P2RY8: variants seen among roughly 807,000 people sequenced by gnomAD.
P2RY8 encodes the protein S-geranylgeranyl-glutathione receptor P2RY8.
Under a neutral mutation model 10.0 loss-of-function variants are expected in P2RY8, and 6 were observed. The observed-to-expected ratio is 0.60, with a 90% confidence interval of 0.33 to 1.19. The LOEUF (loss-of-function observed/expected upper bound fraction) is 1.19. P2RY8 is among the 50% of genes most tolerant of loss of function. The probability of loss-of-function intolerance (pLI) is 0.04; values close to 1 mark genes in which losing one functional copy is unlikely to be tolerated. For missense variants in P2RY8, 456 were observed against 542.0 expected (o/e 0.84, Z 1.58); for synonymous variants, 276 against 252.5 (o/e 1.09, Z -0.88).
At chrX:1,521,519 G>A (rs1344082176) in intron 1 of P2RY8, among the ~76,000 whole-genome samples, 8 of 152,074 alleles carry the variant, frequency 5.3e-5, no homozygotes, top group Admixed American at 2.6e-4. Flanking sequence ...CATGGAACAC[G>A]GCTTGCAACC....
At position 1,534,143 on chromosome X, in the gene P2RY8, CAT is replaced by C. The variant is rs1491494129; in HGVS notation, c.-25+2776_-25+2777del. ...TATATTATATATTTATATATATTTA[CAT>C]ATATATTTATATACAATATATTTAC... On this transcript the variant is annotated intron_variant, in intron 1 of 1. Transcript: ENST00000381297. 1.6e-4 allele frequency among the ~76,000 whole-genome samples: 21 copies of C among 128,782 alleles called. 1 individual carries two copies. The highest frequency in any genetic ancestry group is 2.7e-4 in the Non-Finnish European group (17 of 63,906). The allele number at this position is 128,782 out of a possible 152,430, so 84.5% of individuals were successfully genotyped here.
At chrX:1,517,410 C>T (rs1432617018) in intron 1 of P2RY8, among the ~76,000 whole-genome samples, 7 of 152,118 alleles carry the variant, frequency 4.6e-5, no homozygotes, top group African/African-American at 1.7e-4. Context: ...CAGCTTGGGC[C>T]CCCGCCCCAT....
intron 1 of P2RY8, among the ~76,000 whole-genome samples, chrX:1,469,566 C>T (rs1244354491): frequency 4.6e-5 from 7 of 152,074 alleles, no homozygotes; most frequent in Non-Finnish European, 8.8e-5. Flanking sequence ...CTGTGTGTAT[C>T]TCCTCCAGCC....
chrX:1,482,129 C>T (rs1237492004), intron 1 of P2RY8, among the ~76,000 whole-genome samples: 1 of 151,390 alleles, frequency 6.6e-6, no homozygotes, highest in East Asian at 1.9e-4. Context: ...ATAAGAAGCC[C>T]CTTTTTGAAA....
Position 1,465,478 on chromosome X carries a change from C to T in P2RY8, c.*1G>A, listed in dbSNP as rs2091653125. 1 of 1,600,126 alleles carries T rather than the reference C, an allele frequency of 6.2e-7. No individual in the cohort carries two copies. ...GGCTCTCCAAGCTGCGCCCCCGGGA[C>T]TCAGAACACACTCTCCTGCCTCTGG... On this transcript the variant is annotated 3_prime_UTR_variant, in exon 2 of 2. Coordinates refer to ENST00000381297, the MANE Select transcript of P2RY8 (RefSeq NM_178129.5).
rs1556688238 is a variant in P2RY8, at chrX:1,535,708, C to CACACACACAG, written c.-25+1212_-25+1213insCTGTGTGTGT. Among the ~76,000 whole-genome samples the CACACACACAG allele has an allele frequency of 1.2e-3, 175 of 146,248 alleles. 1 individual carries two copies. The highest frequency in any genetic ancestry group is 1.4e-3 in the Non-Finnish European group (93 of 65,918). ...GAAGAAACAACCACACACACACACA[C>CACACACACAG]ACACACAGACACACACACAGACACA... is the stretch of plus-strand genomic sequence containing the variant. On this transcript the variant is annotated intron_variant, in intron 1 of 1. Transcript: ENST00000381297.
chrX:1,509,915 C>T (rs1310859211), intron 1 of P2RY8, among the ~76,000 whole-genome samples: 1 of 151,386 alleles, frequency 6.6e-6, no homozygotes, highest in East Asian at 2.0e-4. Flanking sequence ...TCTATCTTCT[C>T]TATCATCTAT....
intron 1 of P2RY8, among the ~76,000 whole-genome samples, chrX:1,479,626 G>A (rs2091913201): frequency 6.6e-6 from 1 of 152,148 alleles, no homozygotes; most frequent in Non-Finnish European, 1.5e-5. Flanking sequence ...CAGTGGATTT[G>A]AAAATAGGAA....
intron 1 of P2RY8, among the ~76,000 whole-genome samples, chrX:1,470,357 C>CA (rs1195352051): frequency 2.8e-4 from 42 of 151,822 alleles, no homozygotes; most frequent in African/African-American, 3.1e-4. Flanking sequence ...ACTAAAAATA[C>CA]AAAAAAAATT....
chrX:1,484,735 A>AAAAAG (rs2091970914), intron 1 of P2RY8, among the ~76,000 whole-genome samples: 1 of 138,600 alleles, frequency 7.2e-6, no homozygotes, highest in Non-Finnish European at 1.6e-5. Context: ...AAAAAAAAAA[A>AAAAAG]AAAAAAAAAA....
intron 1 of P2RY8, among the ~76,000 whole-genome samples, chrX:1,489,031 G>A (rs2092015144): frequency 1.3e-5 from 2 of 152,062 alleles, no homozygotes; most frequent in African/African-American, 4.8e-5. Context: ...CAAATGTGGA[G>A]GGAAAGAATG....
intron 1 of P2RY8, among the ~76,000 whole-genome samples, chrX:1,470,712 T>C (rs2091773563): frequency 6.6e-6 from 1 of 152,086 alleles, no homozygotes; most frequent in Non-Finnish European, 1.5e-5. Context: ...GTCTTCAAAG[T>C]TCATCCACGC....
At chrX:1,534,603 G>A (rs2092511001) in intron 1 of P2RY8, among the ~76,000 whole-genome samples, 1 of 152,056 alleles carries the variant, frequency 6.6e-6, no homozygotes, top group Admixed American at 6.6e-5. Flanking sequence ...ACAGAAGAGG[G>A]GCTGGGGGAG....
intron 1 of P2RY8, among the ~76,000 whole-genome samples, chrX:1,498,784 C>G (rs1371190145): frequency 6.6e-6 from 1 of 151,840 alleles, no homozygotes; most frequent in Non-Finnish European, 1.5e-5. Context: ...GTGATCCGCC[C>G]TCCTCAGCCT....
At chrX:1,504,713 G>A (rs751006677) in intron 1 of P2RY8, among the ~76,000 whole-genome samples, 1 of 152,246 alleles carries the variant, frequency 6.6e-6, no homozygotes, top group East Asian at 1.9e-4. Flanking sequence ...TAGGTCGGGT[G>A]TTGTGGCTCA....
chrX:1,511,799 C>T (rs2092299363), intron 1 of P2RY8, among the ~76,000 whole-genome samples: 1 of 152,202 alleles, frequency 6.6e-6, no homozygotes, highest in Non-Finnish European at 1.5e-5. Context: ...AGACACGATT[C>T]TCTTAGCTGT....
chrX:1,509,900 AT>A (rs1206442326), intron 1 of P2RY8, among the ~76,000 whole-genome samples: 1 of 151,126 alleles, frequency 6.6e-6, no homozygotes, highest in East Asian at 2.0e-4. Context: ...CTATGTATGT[AT>A]CTATCTATCT....
chrX:1,484,724 T>TAAAAAAAAAAAAAAAAAA (rs1171758279), intron 1 of P2RY8, among the ~76,000 whole-genome samples: 3 of 16,790 alleles, frequency 1.8e-4, no homozygotes, highest in Non-Finnish European at 3.4e-4. Context: ...CAAAACCCTG[T>TAAAAAAAAAAAAAAAAAA]AAAAAAAAAA....
chrX:1,482,245 A>G (rs781752523), intron 1 of P2RY8, among the ~76,000 whole-genome samples: 1 of 151,100 alleles, frequency 6.6e-6, no homozygotes, highest in African/African-American at 2.4e-5. Flanking sequence ...GAAGGCAGGA[A>G]GCCACTGTAC....
Sources: gnomAD v4.1 joint callset for allele counts (sites outside exome capture counted in the v4.1 genomes callset) on GRCh38, gnomAD v4.1.1 for gene constraint, MANE v1.5 for transcripts, NCBI Gene and HGNC (gene_info 2026-07-23, HGNC 2026-07-21) for gene names.